Variants in ENTREP2 observed in about 807,000 individuals in gnomAD.
ENTREP2 encodes protein ENTREP2.
At chr15:29,621,316 G>A in the ENTREP2 span, among the ~76,000 whole-genome samples, 1 of 152,010 alleles carries the variant, frequency 6.6e-6, no homozygotes, top group South Asian at 2.1e-4. Flanking sequence ...GAGGTCAGGA[G>A]ATCGAGACCA....
At chr15:29,170,061 A>C in the ENTREP2 span, among the ~76,000 whole-genome samples, 1 of 152,238 alleles carries the variant, frequency 6.6e-6, no homozygotes. Context: ...TAATCCCAGC[A>C]CTTTGGAGGG....
chr15:29,236,554 C>G, the ENTREP2 span, among the ~76,000 whole-genome samples: 2,859 of 152,086 alleles, frequency 0.019, 95 homozygotes, highest in African/African-American at 0.065. Context: ...GAGGCTGAGG[C>G]AGGAGGATTG....
the ENTREP2 span, among the ~76,000 whole-genome samples, chr15:29,460,286 C>T: frequency 6.6e-6 from 1 of 151,944 alleles, no homozygotes; most frequent in Admixed American, 6.6e-5. Flanking sequence ...TCAGACTAAG[C>T]CTTTAACTTT....
chr15:29,671,989 T>TTTTG, the ENTREP2 span, among the ~76,000 whole-genome samples: 2 of 152,142 alleles, frequency 1.3e-5, no homozygotes, highest in Non-Finnish European at 2.9e-5. Context: ...GGGATTCTTT[T>TTTTG]TTTGTTTGTT....
At chr15:29,504,439 C>T in the ENTREP2 span, among the ~76,000 whole-genome samples, 1 of 152,164 alleles carries the variant, frequency 6.6e-6, no homozygotes, top group African/African-American at 2.4e-5. Context: ...ACAAGTACTA[C>T]ATATTGATTC....
the ENTREP2 span, among the ~76,000 whole-genome samples, chr15:29,138,818 G>A: frequency 6.6e-6 from 1 of 151,950 alleles, no homozygotes; most frequent in African/African-American, 2.4e-5. Flanking sequence ...TGTGGGGACT[G>A]CGCTCCCCAA....
the ENTREP2 span, among the ~76,000 whole-genome samples, chr15:29,490,133 G>A: frequency 2.8e-4 from 43 of 152,324 alleles, 2 homozygotes; most frequent in South Asian, 8.5e-3. Flanking sequence ...CTGACTTCAA[G>A]AATGAAGCCG....
chr15:29,178,028 C>T, the ENTREP2 span, among the ~76,000 whole-genome samples: 9 of 152,212 alleles, frequency 5.9e-5, no homozygotes, highest in East Asian at 1.2e-3. Flanking sequence ...AAGAATGTAA[C>T]GTGCCTGTAA....
At chr15:29,449,498 T>C in the ENTREP2 span, among the ~76,000 whole-genome samples, 1 of 152,194 alleles carries the variant, frequency 6.6e-6, no homozygotes, top group East Asian at 1.9e-4. Flanking sequence ...TTTCGGAATG[T>C]GATGAATGTG....
the ENTREP2 span, among the ~76,000 whole-genome samples, chr15:29,443,511 G>A: frequency 6.6e-6 from 1 of 152,112 alleles, no homozygotes. Flanking sequence ...CATCCCATGG[G>A]GCCCACGGGT....
chr15:29,230,879 G>A, the ENTREP2 span, among the ~76,000 whole-genome samples: 1 of 152,126 alleles, frequency 6.6e-6, no homozygotes, highest in Non-Finnish European at 1.5e-5. Context: ...CAATTAAAAA[G>A]TTTTAGGCAG....
chr15:29,614,684 G>A, the ENTREP2 span, among the ~76,000 whole-genome samples: 1 of 152,302 alleles, frequency 6.6e-6, no homozygotes. Context: ...CCAACCGGGT[G>A]CTGAAAACCC....
the ENTREP2 span, among the ~76,000 whole-genome samples, chr15:29,424,254 G>A: frequency 6.6e-6 from 1 of 152,110 alleles, no homozygotes; most frequent in Non-Finnish European, 1.5e-5. Flanking sequence ...GACCCCATGG[G>A]GCTCCCACCG....
the ENTREP2 span, among the ~76,000 whole-genome samples, chr15:29,158,985 A>G: frequency 5.9e-5 from 9 of 152,144 alleles, no homozygotes; most frequent in Non-Finnish European, 1.0e-4. Flanking sequence ...AGCAATGACA[A>G]TGTACATACA....
At chr15:29,266,334 A>G in the ENTREP2 span, 1 of 149,608 alleles carries the variant, frequency 6.7e-6, no homozygotes, top group Non-Finnish European at 1.5e-5. Context: ...AAACAAAAAC[A>G]AAACAAAACT....
chr15:29,235,042 C>T, the ENTREP2 span: 27 of 1,162,336 alleles, frequency 2.3e-5, no homozygotes, highest in Non-Finnish European at 2.9e-5. Flanking sequence ...CTCTTCTTCC[C>T]AGGTAGTGGC....
chr15:29,340,282 A>C, the ENTREP2 span, among the ~76,000 whole-genome samples: 1 of 152,236 alleles, frequency 6.6e-6, no homozygotes, highest in African/African-American at 2.4e-5. Context: ...GGCCCAGTTT[A>C]GGAGGTATCA....
chr15:29,308,859 T>C, the ENTREP2 span, among the ~76,000 whole-genome samples: 4 of 152,192 alleles, frequency 2.6e-5, no homozygotes, highest in Non-Finnish European at 5.9e-5. Context: ...ATGTGAAAGA[T>C]GTCCTCCCTC....
chr15:29,483,710 T>C, the ENTREP2 span, among the ~76,000 whole-genome samples: 1 of 152,256 alleles, frequency 6.6e-6, no homozygotes, highest in African/African-American at 2.4e-5. Flanking sequence ...CGAGTATTGT[T>C]AGTCCTCTAA....
Sources: allele counts gnomAD v4.1 joint callset (sites outside exome capture counted in the v4.1 genomes callset), GRCh38; gene constraint gnomAD v4.1.1; transcripts MANE v1.5; gene names NCBI Gene and HGNC (gene_info 2026-07-23, HGNC 2026-07-21).